The following FANCD2OS variants were observed in gnomAD, a reference collection of about 807,000 sequenced individuals.
The protein encoded by FANCD2OS is FANCD2 opposite strand protein.
Under a neutral mutation model 13.2 loss-of-function variants are expected in FANCD2OS, and 11 were observed. The ratio of observed to expected loss-of-function variants is 0.83; its 90% CI spans 0.52 to 1.38. The LOEUF (loss-of-function observed/expected upper bound fraction) is 1.38, where lower values mean the gene tolerates loss of function less well. Among genes scored for constraint, FANCD2OS ranks in the 40% most tolerant of loss-of-function variants. The pLI is 0.00. For synonymous variants in FANCD2OS, 69 were observed against 84.5 expected (o/e 0.82, Z 1.01); for missense variants, 217 against 213.9 (o/e 1.01, Z -0.09).
chr3:10,085,391 TTTC>T (rs1344979761), intron 2 of FANCD2OS, among the ~76,000 whole-genome samples: 21 of 150,572 alleles, frequency 1.4e-4, no homozygotes, highest in African/African-American at 4.4e-4. Context: ...TTCTTTTTTC[TTTC>T]TTTTTTTTTT....
At position 10,084,718 on chromosome 3, in the gene FANCD2OS, G is replaced by A. The variant is rs530653097; in HGVS notation, c.*44-3187C>T. 3.5e-4 allele frequency among the ~76,000 whole-genome samples: 54 copies of A among 152,336 alleles called. 1 individual carries two copies. The highest frequency in any genetic ancestry group is 1.2e-3 in the African/African-American group (51 of 41,576). On this transcript the variant is annotated intron_variant, in intron 2 of 2. Transcript: ENST00000524279. Reference sequence around the variant, plus strand: ...CTCAGAATACATTTGTTGAAAGGAAGAATGACTATCACTGGTGATCAGGAA... The same window carrying A: ...CTCAGAATACATTTGTTGAAAGGAAAAATGACTATCACTGGTGATCAGGAA...
At chr3:10,087,707 G>A (rs1191809456) in intron 2 of FANCD2OS, among the ~76,000 whole-genome samples, 2 of 151,970 alleles carry the variant, frequency 1.3e-5, no homozygotes, top group Admixed American at 1.3e-4. Context: ...GAGTGCAGTG[G>A]TGCGATGTTG....
In FANCD2OS at chr3:10,094,641, C is replaced by T. The variant is rs35528998; in HGVS notation, c.*43+9557G>A. ...TTGTGCTACTGCACTCTCAGGTCCT[C>T]ATGTATCAGTGTGTCATTTGCTTAT... is the stretch of plus-strand genomic sequence containing the variant. On this transcript the variant is annotated intron_variant, in intron 2 of 2. Transcript: ENST00000524279. Among the ~76,000 whole-genome samples, 493 of 152,050 alleles carry T rather than the reference C, an allele frequency of 3.2e-3. 10 individuals carry two copies. The South Asian group carries it at 0.04, about 12-fold the overall frequency.
In FANCD2OS at chr3:10,085,798, C is replaced by G; in HGVS notation, c.*44-4267G>C. The G allele has an allele frequency of 6.3e-7, 1 of 1,579,764 alleles. No homozygotes were observed. The highest frequency in any genetic ancestry group is 8.7e-7 in the Non-Finnish European group (1 of 1,148,776). ...CAGAAACTAAGCTAACCCCTCTTAC[C>G]TTGACTTCCTTAGGAGTGGATTTTC... On this transcript the variant is annotated intron_variant, in intron 2 of 2. Coordinates refer to the FANCD2OS transcript ENST00000524279.
chr3:10,100,690 T>G (rs1695249272), downstream of FANCD2OS, among the ~76,000 whole-genome samples: 1 of 152,216 alleles, frequency 6.6e-6, no homozygotes, highest in Non-Finnish European at 1.5e-5. Context: ...CCACTTGTAA[T>G]AAATATTTCA....
At chr3:10,102,069 G>T, downstream of FANCD2OS, 1 of 165,010 alleles carries the variant, frequency 6.1e-6, no homozygotes, top group East Asian at 1.3e-4. Context: ...GTCTCCTATT[G>T]TAAGAACCAA....
At chr3:10,097,238 T>C (rs1175991457) in intron 2 of FANCD2OS, among the ~76,000 whole-genome samples, 1 of 152,224 alleles carries the variant, frequency 6.6e-6, no homozygotes, top group Non-Finnish European at 1.5e-5. Flanking sequence ...GGCACCACTG[T>C]CATTGATAAC....
chr3:10,090,509 G>C, intron 2 of FANCD2OS: 2 of 637,838 alleles, frequency 3.1e-6, no homozygotes, highest in South Asian at 3.4e-5. Context: ...GCCCAGACTG[G>C]AGTGCAGTGG....
chr3:10,089,336 C>T lies in FANCD2OS; in HGVS notation c.*44-7805G>A, dbSNP rs551554725. ...CTGTCCAACGTATATAGCTTCCACA[C>T]AACTGCCTTGCTCCTCCTCATCTAA... On this transcript the variant is annotated intron_variant, in intron 2 of 2. Coordinates refer to the FANCD2OS transcript ENST00000524279. Among the ~76,000 whole-genome samples the T allele has an allele frequency of 2.0e-3, 305 of 152,052 alleles. 1 individual carries two copies. The highest frequency in any genetic ancestry group is 3.0e-3 in the Non-Finnish European group (201 of 67,992).
At chr3:10,089,749 T>G (rs1166857886) in intron 2 of FANCD2OS, among the ~76,000 whole-genome samples, 2 of 152,216 alleles carry the variant, frequency 1.3e-5, no homozygotes, top group Non-Finnish European at 2.9e-5. Context: ...ATTACAGGCA[T>G]GAGCCATTGT....
At chr3:10,103,705 G>C (rs1161544267), downstream of FANCD2OS, among the ~76,000 whole-genome samples, 1 of 152,210 alleles carries the variant, frequency 6.6e-6, no homozygotes, top group African/African-American at 2.4e-5. Flanking sequence ...TTGCCAGGCT[G>C]TAAGTATTGT....
chr3:10,093,385 C>G lies in FANCD2OS; in HGVS notation c.*43+10813G>C, dbSNP rs1694767178. The stretch of plus-strand genomic sequence containing the variant: ...TTCCTGTGGATCACTCTAGAGAGGA[C>G]CTCAGCTGAGATAAATTGCTCAATT... On this transcript the variant is annotated intron_variant, in intron 2 of 2. Transcript: ENST00000524279. 14 of 1,361,326 alleles carry G rather than the reference C, an allele frequency of 1.0e-5. No homozygotes were observed. In the East Asian group the frequency reaches 3.2e-4, roughly 31 times the overall value. 84.3% of individuals were successfully genotyped at this position (1,361,326 alleles called of 1,614,324 possible).
chr3:10,094,814 T>C, intron 2 of FANCD2OS: 1 of 336,038 alleles, frequency 3.0e-6, no homozygotes, highest in South Asian at 2.9e-5. Flanking sequence ...GAATTAAGGA[T>C]AGAATCACAT....
intron 2 of FANCD2OS, chr3:10,090,240 G>A: frequency 7.4e-7 from 1 of 1,360,230 alleles, no homozygotes; most frequent in Non-Finnish European, 1.1e-6. Flanking sequence ...TTCCCAGGTA[G>A]TTCTAAGCAG....
intron 2 of FANCD2OS, chr3:10,083,476 CTT>C (rs1693970658): frequency 6.6e-6 from 1 of 152,138 alleles, no homozygotes; most frequent in African/African-American, 2.4e-5. Context: ...TCTAGGGGGA[CTT>C]TACAATGGTA....
At chr3:10,101,066 A>T (rs1575884426), downstream of FANCD2OS, 28 of 114,416 alleles carry the variant, frequency 2.4e-4, no homozygotes, top group South Asian at 6.8e-4. Flanking sequence ...AGACTCCTTT[A>T]AAAAAAAAAA....
intron 1 of FANCD2OS, 141 bp downstream of exon 1, chr3:10,107,874 C>T (rs971147969): frequency 1.3e-5 from 2 of 152,252 alleles, no homozygotes; most frequent in Non-Finnish European, 2.9e-5. Context: ...TCAACCACTC[C>T]AGAAGGGCTT....
chr3:10,099,943 C>T (rs746902945), downstream of FANCD2OS, among the ~76,000 whole-genome samples: 2 of 152,140 alleles, frequency 1.3e-5, no homozygotes, highest in South Asian at 2.1e-4. Flanking sequence ...CACCTGTAAT[C>T]GTAGCACTTT....
intron 2 of FANCD2OS, chr3:10,088,800 T>C (rs1413909810): frequency 1.2e-6 from 2 of 1,612,780 alleles, no homozygotes; most frequent in East Asian, 2.2e-5. Context: ...TGTTAATTAG[T>C]GGGTCAAATA....
Sources: gnomAD v4.1 joint callset for allele counts (sites outside exome capture counted in the v4.1 genomes callset) on GRCh38, gnomAD v4.1.1 for gene constraint, MANE v1.5 for transcripts, NCBI Gene and HGNC (gene_info 2026-07-23, HGNC 2026-07-21) for gene names.